The following DPYD variants were observed in gnomAD, a reference collection of about 807,000 sequenced individuals.
DPYD encodes dihydropyrimidine dehydrogenase [NADP(+)].
DPYD carries 109 observed loss-of-function variants against 116.2 expected under a neutral mutation model. The observed-to-expected ratio is 0.94, with a 90% CI of 0.80 to 1.10. The LOEUF (loss-of-function observed/expected upper bound fraction) is 1.10, where lower values mean the gene tolerates loss of function less well. Among genes scored for constraint, DPYD ranks in the 50% least tolerant of loss-of-function variants. The pLI is 0.00. For missense variants in DPYD, 1,302 were observed against 1,254.5 expected, an observed-to-expected ratio of 1.04 and a Z score of -0.57; for synonymous variants, 440 against 432.0, an observed-to-expected ratio of 1.02 and a Z score of -0.23.
intron 13 of DPYD, among the ~76,000 whole-genome samples, chr1:97,490,331 G>C: frequency 6.8e-6 from 1 of 146,806 alleles, no homozygotes. Context: ...AGAATATACT[G>C]ATAATATATT....
intron 3 of DPYD, among the ~76,000 whole-genome samples, chr1:97,757,428 A>T (rs566856501): frequency 1.3e-5 from 2 of 152,286 alleles, no homozygotes; most frequent in Non-Finnish European, 2.9e-5. Flanking sequence ...TGACTGAAGC[A>T]GGAGGTGAGT....
chr1:97,725,453 C>T (rs1338389810), intron 4 of DPYD, among the ~76,000 whole-genome samples: 1 of 151,426 alleles, frequency 6.6e-6, no homozygotes, highest in Non-Finnish European at 1.5e-5. Flanking sequence ...CAAGCTGATC[C>T]TAAAATTCAT....
chr1:97,536,151 T>C (rs1296257956), intron 12 of DPYD, among the ~76,000 whole-genome samples: 1 of 152,186 alleles, frequency 6.6e-6, no homozygotes, highest in Non-Finnish European at 1.5e-5. Flanking sequence ...AGTTTCCCAA[T>C]GAGACTGACC....
intron 16 of DPYD, among the ~76,000 whole-genome samples, chr1:97,329,484 C>T (rs893182305): frequency 2.2e-4 from 34 of 151,848 alleles, no homozygotes; most frequent in South Asian, 2.1e-4. Flanking sequence ...CAGTGGTTTA[C>T]GCCTGTAATC....
At chr1:97,504,556 A>T (rs1298065799) in intron 13 of DPYD, among the ~76,000 whole-genome samples, 3 of 152,028 alleles carry the variant, frequency 2.0e-5, no homozygotes, top group African/African-American at 7.2e-5. Context: ...AAGATTCAAA[A>T]GCACCATAGG....
intron 19 of DPYD, among the ~76,000 whole-genome samples, chr1:97,205,636 C>A (rs61786273): frequency 0.045 from 6,901 of 152,128 alleles, 187 homozygotes; most frequent in Non-Finnish European, 0.069. Context: ...TTAGTGTAAT[C>A]TGATATCCAT....
chr1:97,865,080 G>T (rs999274393), intron 2 of DPYD, among the ~76,000 whole-genome samples: 1 of 151,880 alleles, frequency 6.6e-6, no homozygotes, highest in African/African-American at 2.4e-5. Flanking sequence ...CTACTGCCTT[G>T]TATGTGTCTG....
At chr1:97,134,949 T>C (rs79591829) in intron 20 of DPYD, among the ~76,000 whole-genome samples, 4,878 of 151,188 alleles carry the variant, frequency 0.032, 246 homozygotes, top group African/African-American at 0.11. Flanking sequence ...GAACAGTACC[T>C]AGTGGGTTAC....
At chr1:97,716,491 T>C (rs1662623840) in intron 5 of DPYD, among the ~76,000 whole-genome samples, 1 of 152,044 alleles carries the variant, frequency 6.6e-6, no homozygotes, top group African/African-American at 2.4e-5. Flanking sequence ...AATTCATACA[T>C]ATGATCTTAC....
intron 19 of DPYD, among the ~76,000 whole-genome samples, chr1:97,199,821 G>A (rs1403201391): frequency 1.3e-5 from 2 of 152,110 alleles, no homozygotes; most frequent in Non-Finnish European, 2.9e-5. Flanking sequence ...CATGAAGGTG[G>A]AAGTACTGTG....
At chr1:97,835,369 T>C (rs563081110) in intron 2 of DPYD, among the ~76,000 whole-genome samples, 1 of 152,110 alleles carries the variant, frequency 6.6e-6, no homozygotes, top group East Asian at 1.9e-4. Flanking sequence ...TGAAAATATA[T>C]ACATTGTTCA....
intron 20 of DPYD, among the ~76,000 whole-genome samples, chr1:97,121,792 A>G (rs844144): frequency 6.6e-6 from 1 of 152,062 alleles, no homozygotes; most frequent in East Asian, 1.9e-4. Flanking sequence ...AAATAAACCT[A>G]GTTGGTTTGG....
At chr1:97,503,292 A>C (rs183336026) in intron 13 of DPYD, among the ~76,000 whole-genome samples, 1 of 152,174 alleles carries the variant, frequency 6.6e-6, no homozygotes, top group East Asian at 1.9e-4. Flanking sequence ...GCCATATACT[A>C]AGTGGCTGCC....
intron 14 of DPYD, among the ~76,000 whole-genome samples, chr1:97,398,655 G>C (rs562111440): frequency 0.013 from 1,958 of 152,204 alleles, 24 homozygotes; most frequent in South Asian, 0.023. Flanking sequence ...GTGTGAGATG[G>C]TATCTCATTG....
chr1:97,269,527 A>G (rs557775897), intron 18 of DPYD, among the ~76,000 whole-genome samples: 1 of 152,246 alleles, frequency 6.6e-6, no homozygotes, highest in South Asian at 2.1e-4. Flanking sequence ...TAGTGTTTTA[A>G]CAGAATACCA....
At chr1:97,679,331 G>T (rs1660316686) in intron 7 of DPYD, 149 bp from the exon 8 acceptor site, 2 of 535,724 alleles carry the variant, frequency 3.7e-6, no homozygotes, top group African/African-American at 1.9e-5. Flanking sequence ...TAGTATATAG[G>T]TTTACATACA....
chr1:97,271,156 A>G (rs12752763), intron 18 of DPYD, among the ~76,000 whole-genome samples: 2,171 of 152,214 alleles, frequency 0.014, 22 homozygotes, highest in South Asian at 0.024. Context: ...TGTGGGGAGC[A>G]TGGTGCATTA....
At chr1:97,315,974 C>T (rs1469221637) in intron 16 of DPYD, among the ~76,000 whole-genome samples, 1 of 152,086 alleles carries the variant, frequency 6.6e-6, no homozygotes, top group Non-Finnish European at 1.5e-5. Context: ...AGTTTGGACA[C>T]TTACTTGATC....
intron 3 of DPYD, among the ~76,000 whole-genome samples, chr1:97,810,409 A>G (rs1379689000): frequency 6.6e-5 from 10 of 152,080 alleles, no homozygotes; most frequent in Admixed American, 6.6e-4. Context: ...ATAGCATATC[A>G]TCCTATTTTC....
Sources: gnomAD v4.1 joint callset for allele counts (sites outside exome capture counted in the v4.1 genomes callset) on GRCh38, gnomAD v4.1.1 for gene constraint, MANE v1.5 for transcripts, NCBI Gene and HGNC (gene_info 2026-07-23, HGNC 2026-07-21) for gene names.